The following ELN variants were observed in gnomAD, a reference collection of about 807,000 sequenced individuals.
The protein encoded by ELN is tropoelastin.
Under a neutral mutation model 105.8 loss-of-function variants are expected in ELN, and 65 were observed. That is an observed-to-expected ratio of 0.61 (90% CI 0.50 to 0.75). ELN has a LOEUF of 0.75. ELN is among the 30% of genes least tolerant of loss of function. ELN has a pLI of 0.00. For missense variants in ELN, 882 were observed against 969.4 expected (o/e 0.91, Z 1.20); for synonymous variants, 368 against 389.2 (o/e 0.95, Z 0.64).
At position 74,045,311 on chromosome 7, in the gene ELN, C is replaced by G. The variant is rs374853237; in HGVS notation, c.541+18C>G. On this transcript the variant is annotated intron_variant, in intron 10 of 32. Coordinates refer to ENST00000252034, the MANE Select transcript of ELN (RefSeq NM_000501.4). ...GGCTCCAGGTATGCAGCTGTCTGGA[C>G]AGAGGGCTGATGGCAGGGACTCTCC... 1.2e-6 allele frequency: 2 copies of G among 1,613,728 alleles called. No homozygotes were observed. Among genetic ancestry groups the G allele is most frequent in the Non-Finnish European group, 1.7e-6 (2 of 1,179,944 alleles).
At position 74,056,733 on chromosome 7, in the gene ELN, C is replaced by T; in HGVS notation, c.1357+20C>T. ...AGTACGGTAAGTGCCCCTGCCCTGC[C>T]TGTCCCCAAGTCCTGCTCTCCCGCG... On this transcript the variant is annotated intron_variant, in intron 21 of 32. Coordinates refer to ENST00000252034, the MANE Select transcript of ELN (RefSeq NM_000501.4). 4 of 1,613,732 alleles carry T rather than the reference C, an allele frequency of 2.5e-6. No homozygotes were observed. Among genetic ancestry groups the T allele is most frequent in the Non-Finnish European group, 3.4e-6 (4 of 1,180,016 alleles).
At position 74,057,638 on chromosome 7, in the gene ELN, A is replaced by C; in HGVS notation, c.1358-2A>C. ...TCTCACCCCTTCTCTTCACACCTCC[A>C]GGAGTGGGGACCCCAGCAGCTGCAG... On this transcript the variant is annotated splice_acceptor_variant, in intron 21 of 32. Transcript: ENST00000252034. LOFTEE classifies it high-confidence loss of function. 1 of 1,614,086 alleles carries C rather than the reference A, an allele frequency of 6.2e-7. No individual in the cohort carries two copies. The highest frequency in any genetic ancestry group is 8.5e-7 in the Non-Finnish European group (1 of 1,180,016).
At chr7:74,067,855 G>A (rs1798290888) in intron 32 of ELN, among the ~76,000 whole-genome samples, 1 of 150,482 alleles carries the variant, frequency 6.6e-6, no homozygotes, top group African/African-American at 2.5e-5. Flanking sequence ...TTGAACCCAG[G>A]AGGCGGAGGT....
At chr7:74,028,534 C>A (rs1787944831) in intron 1 of ELN, among the ~76,000 whole-genome samples, 1 of 152,194 alleles carries the variant, frequency 6.6e-6, no homozygotes, top group South Asian at 2.1e-4. Flanking sequence ...GCTGAGGGGG[C>A]CCCTGCTCAG....
chr7:74,031,734 T>C (rs1270197653), intron 1 of ELN, among the ~76,000 whole-genome samples: 1 of 149,928 alleles, frequency 6.7e-6, no homozygotes, highest in Admixed American at 6.7e-5. Flanking sequence ...CTGGGCAACA[T>C]AGGAAGGCCC....
intron 4 of ELN, among the ~76,000 whole-genome samples, chr7:74,038,625 C>T (rs56260040): frequency 6.6e-6 from 1 of 152,330 alleles, no homozygotes; most frequent in African/African-American, 2.4e-5. Flanking sequence ...AACAGCGTCT[C>T]TGTCCAGATT....
rs782737850 is a variant in ELN at position 74,057,455 on chromosome 7, G to A, written c.1358-185G>A. The A allele has an allele frequency of 4.3e-5, 66 of 1,546,286 alleles. No homozygotes were observed. Among genetic ancestry groups the A allele is most frequent in the Non-Finnish European group, 5.4e-5 (62 of 1,146,746 alleles). On this transcript the variant is annotated intron_variant, in intron 21 of 32. Coordinates refer to ENST00000252034, the MANE Select transcript of ELN (RefSeq NM_000501.4). ...GCGCAGTCCCAGGTGTGCCGGGCAC[G>A]GGAGGAGTGCCAGGTGAGCTGTGTC...
At chr7:74,047,224 A>G (rs2131622214) in intron 12 of ELN, among the ~76,000 whole-genome samples, 1 of 152,262 alleles carries the variant, frequency 6.6e-6, no homozygotes, top group East Asian at 1.9e-4. Flanking sequence ...AGAGCATGGG[A>G]AAGTCATCTG....
chr7:74,057,810 C>T, intron 22 of ELN, 114 bp downstream of exon 22: 1 of 1,249,586 alleles, frequency 8.0e-7, no homozygotes, highest in Non-Finnish European at 1.2e-6. Flanking sequence ...TAAGCTGTCA[C>T]ATTCTGGGGT....
intron 15 of ELN, among the ~76,000 whole-genome samples, chr7:74,049,162 T>A (rs1793303066): frequency 6.6e-6 from 1 of 150,832 alleles, no homozygotes. Flanking sequence ...CATTTATCCA[T>A]CCACCCACTC....
At chr7:74,037,792 A>C in intron 4 of ELN, 53 bp downstream of exon 4, 1 of 1,596,550 alleles carries the variant, frequency 6.3e-7, no homozygotes, top group Non-Finnish European at 8.5e-7. Context: ...CTGGGGAGGG[A>C]GGAGCCTACC....
At chr7:74,036,020 G>A (rs1296076106) in intron 2 of ELN, among the ~76,000 whole-genome samples, 2 of 152,126 alleles carry the variant, frequency 1.3e-5, no homozygotes, top group African/African-American at 2.4e-5. Flanking sequence ...GCCAGGCACG[G>A]TGGCTCAAGC....
rs1797259867 is a variant in ELN, at chr7:74,063,757, A to T, written c.1993+62A>T. The T allele has an allele frequency of 6.3e-7, 1 of 1,598,248 alleles. No individual in the cohort carries two copies. On this transcript the variant is annotated intron_variant, in intron 29 of 32. Coordinates refer to ENST00000252034, the MANE Select transcript of ELN (RefSeq NM_000501.4). The surrounding 1 kb of genome is among the most constrained non-coding windows in gnomAD (Gnocchi z 4.1). ...GTGTGTATGCGAGACAGAGATGGAG[A>T]CAGAGACAGAGACAGAGACTTTCGT...
intron 1 of ELN, among the ~76,000 whole-genome samples, chr7:74,033,763 G>T (rs1435240773): frequency 6.6e-6 from 1 of 152,234 alleles, no homozygotes; most frequent in African/African-American, 2.4e-5. Flanking sequence ...AGGCCTCCCT[G>T]GACACATTGC....
intron 21 of ELN, chr7:74,057,375 C>G: frequency 6.7e-7 from 1 of 1,495,808 alleles, no homozygotes; most frequent in Non-Finnish European, 8.8e-7. Flanking sequence ...GTTCTCCACT[C>G]CCCGAGGTGC....
intron 4 of ELN, among the ~76,000 whole-genome samples, chr7:74,038,323 G>T: frequency 6.6e-6 from 1 of 152,178 alleles, no homozygotes; most frequent in East Asian, 1.9e-4. Flanking sequence ...TGCTGACCCT[G>T]GTCCCACAGG....
rs201137255 is a variant in ELN at position 74,045,225 on chromosome 7, C to G, written c.473C>G (p.Ala158Gly). 1 of 1,614,092 alleles carries G rather than the reference C, an allele frequency of 6.2e-7. No homozygotes were observed. The highest frequency in any genetic ancestry group is 8.5e-7 in the Non-Finnish European group (1 of 1,180,030). The change falls in exon 10 of 33, where the codon GCT (alanine) becomes GGT (glycine). Residue 158 changes from alanine (A) to glycine (G), a missense_variant. By Grantham distance (60) the Ala-to-Gly change is moderately conservative (BLOSUM62 0). Transcript: ENST00000252034. ...GVYPGGVLPGARFPGVGVLPG... is the reference protein window; with the variant it reads ...GVYPGGVLPGGRFPGVGVLPG... ...TCACTGCTTTGTCCCCCGGCAGGAG[C>G]TCGGTTCCCCGGTGTGGGGGTGCTC...
At position 74,060,360 on chromosome 7, in the gene ELN, T is replaced by C; in HGVS notation, c.1622-16T>C. 6 of 1,614,142 alleles carry C rather than the reference T, an allele frequency of 3.7e-6. No individual in the cohort carries two copies. The highest frequency in any genetic ancestry group is 1.7e-5 in the Admixed American group (1 of 60,032). ...GCTCCCTGCCTGCTGTCGCCACCAC[T>C]GCCCTCTGTCTGCAGGAGCTGCAGC... On this transcript the variant is annotated splice_polypyrimidine_tract_variant and intron_variant, in intron 24 of 32. Coordinates refer to ENST00000252034, the MANE Select transcript of ELN (RefSeq NM_000501.4).
Position 74,047,725 on chromosome 7 carries a change from G to A in ELN, c.685+9G>A. The A allele has an allele frequency of 6.2e-7, 1 of 1,614,116 alleles. No homozygotes were observed. The highest frequency in any genetic ancestry group is 8.5e-7 in the Non-Finnish European group (1 of 1,179,990). On this transcript the variant is annotated intron_variant, in intron 13 of 32. Transcript: ENST00000252034. ...AGGGAAACTGCCCTATGGTGAGTGA[G>A]ACCCTTCTAGACTGTGGGCTTCCAG...
Sources: allele counts gnomAD v4.1 joint callset (sites outside exome capture counted in the v4.1 genomes callset), GRCh38; gene constraint gnomAD v4.1.1; non-coding constraint Gnocchi (gnomAD v3.1); transcripts MANE v1.5; gene names NCBI Gene and HGNC (gene_info 2026-07-23, HGNC 2026-07-21).